ANK3: variants seen among roughly 807,000 people sequenced by gnomAD.
The protein encoded by ANK3 is ankyrin 3.
ANK3 carries 57 observed loss-of-function variants against 370.9 expected under a neutral mutation model. That is an observed-to-expected ratio of 0.15 (90% CI 0.12 to 0.19). ANK3 has a LOEUF of 0.19. Ranked by LOEUF, ANK3 falls within the 10% of genes least tolerant of loss-of-function variation. ANK3 has a pLI of 1.00. For missense variants in ANK3, 4,439 were observed against 5,302.1 expected (o/e 0.84, Z 5.06); for synonymous variants, 1,929 against 1,946.3 (o/e 0.99, Z 0.23).
intron 14 of ANK3, among the ~76,000 whole-genome samples, chr10:60,197,375 T>C (rs1043468490): frequency 3.9e-5 from 6 of 152,172 alleles, no homozygotes; most frequent in Non-Finnish European, 7.4e-5. Flanking sequence ...ATCAGCACAC[T>C]GTTGTGGGGG....
intron 2 of ANK3, among the ~76,000 whole-genome samples, chr10:60,502,649 C>G (rs746603512): frequency 8.0e-5 from 12 of 150,606 alleles, no homozygotes; most frequent in Admixed American, 3.3e-4. Context: ...CTGTGAATAG[C>G]CACTGCACTC....
chr10:60,611,907 T>C (rs2078207222), intron 2 of ANK3, among the ~76,000 whole-genome samples: 1 of 150,918 alleles, frequency 6.6e-6, no homozygotes, highest in East Asian at 1.9e-4. Context: ...GGCGAAGAAA[T>C]GGGGAAAGAA....
At chr10:60,094,573 C>G (rs2089647785) in intron 28 of ANK3, among the ~76,000 whole-genome samples, 1 of 151,500 alleles carries the variant, frequency 6.6e-6, no homozygotes, top group African/African-American at 2.4e-5. Flanking sequence ...GAATAAAAGC[C>G]AAGAAAAATA....
At chr10:60,515,523 A>T (rs533302968) in intron 2 of ANK3, among the ~76,000 whole-genome samples, 1 of 152,194 alleles carries the variant, frequency 6.6e-6, no homozygotes, top group Non-Finnish European at 1.5e-5. Flanking sequence ...ATGATTAGTT[A>T]ACTTTAATAA....
intron 24 of ANK3, among the ~76,000 whole-genome samples, chr10:60,136,083 T>A (rs1030634491): frequency 6.6e-6 from 1 of 151,734 alleles, no homozygotes; most frequent in African/African-American, 2.4e-5. Flanking sequence ...ATGGGACCCA[T>A]TACTCTCTTT....
Position 60,134,263 on chromosome 10 carries a change from A to C in ANK3, c.2841+8T>G. The C allele has an allele frequency of 6.2e-7, 1 of 1,609,536 alleles. No homozygotes were observed. Among genetic ancestry groups the C allele is most frequent in the Non-Finnish European group, 8.5e-7 (1 of 1,176,642 alleles). On this transcript the variant is annotated splice_region_variant and intron_variant, in intron 25 of 43. Coordinates refer to ENST00000280772, the MANE Select transcript of ANK3 (RefSeq NM_020987.5). ...ATGGTCAAAGGCTATTTTGAAAAGA[A>C]TGCATACCTGCTCTTTGGATGGCAC...
intron 28 of ANK3, among the ~76,000 whole-genome samples, chr10:60,105,312 G>A (rs2092015396): frequency 1.3e-5 from 2 of 151,860 alleles, no homozygotes; most frequent in Admixed American, 1.3e-4. Context: ...TGGTTCTTAG[G>A]GTCAGACAGC....
At position 60,070,397 on chromosome 10, in the gene ANK3, T is replaced by A; in HGVS notation, c.10484A>T (p.Asp3495Val). The change falls in exon 37 of 44, where the codon GAT (aspartate) becomes GTT (valine). Residue 3495 changes from aspartate to valine, a missense_variant. Physicochemically the swap from Asp to Val is radical, Grantham distance 152. Around this residue, in one of 13 missense-constraint regions of ANK3, gnomAD observed 1,601 missense variants for 1,731.7 expected, o/e 0.92. Coordinates refer to ENST00000280772, the MANE Select transcript of ANK3 (RefSeq NM_020987.5). The surrounding 1 kb of genome is among the most constrained non-coding windows in gnomAD (Gnocchi z 5.7). ...SSSEKTPDKT[D>V]QKSGAQFFTL... ...GAAGAACTGGGCCCCTGACTTCTGA[T>A]CAGTCTTATCAGGAGTCTTTTCAGA... 2.5e-6 allele frequency: 4 copies of A among 1,614,122 alleles called. No homozygotes were observed. Among genetic ancestry groups the A allele is most frequent in the Non-Finnish European group, 3.4e-6 (4 of 1,180,008 alleles).
intron 1 of ANK3, among the ~76,000 whole-genome samples, chr10:60,328,032 T>TA (rs1209386304): frequency 1.3e-5 from 2 of 151,372 alleles, no homozygotes; most frequent in Non-Finnish European, 1.5e-5. Context: ...AACATATTCT[T>TA]AAAAAAAAAG....
Position 60,073,881 on chromosome 10 carries a change from T to C in ANK3, c.7000A>G (p.Ile2334Val), listed in dbSNP as rs2083253202. The change falls in exon 37 of 44, where the codon ATC (isoleucine) becomes GTC (valine). Residue 2334 changes from isoleucine (I) to valine (V), a missense_variant. Around this residue, in one of 13 missense-constraint regions of ANK3, gnomAD observed 1,601 missense variants for 1,731.7 expected, o/e 0.92. Transcript: ENST00000280772. Reference sequence around the variant, plus strand: ...GGCTCAGCTTGGTTACCTTTTTCGATGTGGACTTCTATTATACGCTCCAGT... The same window carrying C: ...GGCTCAGCTTGGTTACCTTTTTCGACGTGGACTTCTATTATACGCTCCAGT... ...PKLERIIEVHIEKGNQAEPTE... is the reference protein window; with the variant it reads ...PKLERIIEVHVEKGNQAEPTE... 6.2e-7 allele frequency: 1 copy of C among 1,613,882 alleles called. No individual in the cohort carries two copies.
At chr10:60,593,706 T>C (rs2077948104) in intron 2 of ANK3, among the ~76,000 whole-genome samples, 1 of 152,134 alleles carries the variant, frequency 6.6e-6, no homozygotes, top group Non-Finnish European at 1.5e-5. Flanking sequence ...CAAAGGTAAT[T>C]TTGATGAAAG....
chr10:60,234,667 G>T (rs1309864557), intron 8 of ANK3, 21 bp downstream of exon 8: 7 of 1,459,404 alleles, frequency 4.8e-6, no homozygotes, highest in Non-Finnish European at 4.8e-6. Context: ...GTAGAAGCAG[G>T]TACATAAGTT....
intron 2 of ANK3, among the ~76,000 whole-genome samples, chr10:60,414,613 G>A (rs1220110941): frequency 2.0e-5 from 3 of 152,118 alleles, no homozygotes; most frequent in African/African-American, 7.2e-5. Flanking sequence ...GGAAGGAGGG[G>A]AAGGTTTAAA....
intron 1 of ANK3, among the ~76,000 whole-genome samples, chr10:60,635,695 C>T (rs1044005901): frequency 2.0e-5 from 2 of 97,982 alleles, no homozygotes; most frequent in African/African-American, 3.5e-5. Flanking sequence ...ATAGCTTAAA[C>T]CCTGGATATT....
At chr10:60,237,560 G>A (rs1455855774) in intron 7 of ANK3, among the ~76,000 whole-genome samples, 2 of 152,062 alleles carry the variant, frequency 1.3e-5, no homozygotes, top group African/African-American at 2.4e-5. Flanking sequence ...CTGTGGATGT[G>A]TAGATGACAA....
intron 2 of ANK3, among the ~76,000 whole-genome samples, chr10:60,554,648 T>C (rs2077167337): frequency 6.6e-6 from 1 of 152,204 alleles, no homozygotes; most frequent in Non-Finnish European, 1.5e-5. Flanking sequence ...GATGCTGACA[T>C]CTTCATGTGT....
intron 28 of ANK3, among the ~76,000 whole-genome samples, chr10:60,100,560 C>A (rs528030050): frequency 5.5e-4 from 83 of 152,230 alleles, no homozygotes; most frequent in African/African-American, 1.8e-3. Flanking sequence ...GTACCAATTT[C>A]CCTTTCCTGT....
chr10:60,612,444 C>G (rs1190284237), intron 2 of ANK3, among the ~76,000 whole-genome samples: 1 of 152,076 alleles, frequency 6.6e-6, no homozygotes, highest in Non-Finnish European at 1.5e-5. Flanking sequence ...ACTCTCACCT[C>G]TTTTTGCCTC....
At chr10:60,373,939 G>A (rs1190974648) in intron 1 of ANK3, among the ~76,000 whole-genome samples, 1 of 152,152 alleles carries the variant, frequency 6.6e-6, no homozygotes, top group Non-Finnish European at 1.5e-5. Context: ...AATTGCAGAT[G>A]AGTTAATGAA....
Sources: gnomAD v4.1 joint callset for allele counts (sites outside exome capture counted in the v4.1 genomes callset) on GRCh38, gnomAD v4.1.1 for gene constraint, gnomAD v4.1.1 regional missense constraint, Gnocchi (gnomAD v3.1) non-coding constraint, MANE v1.5 for transcripts, NCBI Gene and HGNC (gene_info 2026-07-23, HGNC 2026-07-21) for gene names.